Variants in ERBB4 observed in about 807,000 individuals in gnomAD.
The protein encoded by ERBB4 is receptor tyrosine-protein kinase erbB-4.
ERBB4 carries 42 observed loss-of-function variants against 158.0 expected under a neutral mutation model. The ratio of observed to expected loss-of-function variants is 0.27; its 90% CI spans 0.21 to 0.34. ERBB4 has a LOEUF of 0.34. Among genes scored for constraint, ERBB4 ranks in the 10% least tolerant of loss-of-function variants. ERBB4 has a pLI of 1.00. For missense variants in ERBB4, 1,333 were observed against 1,624.1 expected, an observed-to-expected ratio of 0.82 and a Z score of 3.08; for synonymous variants, 583 against 558.7, an observed-to-expected ratio of 1.04 and a Z score of -0.61.
At chr2:211,662,792 A>C (rs959625166) in intron 15 of ERBB4, among the ~76,000 whole-genome samples, 1 of 152,200 alleles carries the variant, frequency 6.6e-6, no homozygotes, top group Non-Finnish European at 1.5e-5. Flanking sequence ...AGGTAACTTT[A>C]TTTTCAGAAA....
intron 1 of ERBB4, among the ~76,000 whole-genome samples, chr2:212,218,822 T>C (rs772182576): frequency 6.6e-6 from 1 of 151,412 alleles, no homozygotes; most frequent in Non-Finnish European, 1.5e-5. Flanking sequence ...TGTTTCTTAA[T>C]TTACACATAA....
intron 17 of ERBB4, among the ~76,000 whole-genome samples, chr2:211,628,308 T>A (rs2069943429): frequency 6.6e-6 from 1 of 152,210 alleles, no homozygotes; most frequent in Admixed American, 6.5e-5. Flanking sequence ...CCTAATGCTA[T>A]CCCTCCCCAC....
intron 3 of ERBB4, among the ~76,000 whole-genome samples, chr2:211,858,792 AT>A (rs998772292): frequency 1.3e-5 from 2 of 151,680 alleles, no homozygotes; most frequent in African/African-American, 4.8e-5. Flanking sequence ...TTATTTATTC[AT>A]TTTTTTTGAG....
chr2:212,397,849 T>A (rs997258253), intron 1 of ERBB4, among the ~76,000 whole-genome samples: 2 of 152,250 alleles, frequency 1.3e-5, no homozygotes, highest in South Asian at 4.1e-4. Flanking sequence ...TATCAACTAA[T>A]GTTTCCAGAC....
chr2:212,065,559 C>T (rs2077918961), intron 2 of ERBB4, among the ~76,000 whole-genome samples: 1 of 152,026 alleles, frequency 6.6e-6, no homozygotes, highest in Non-Finnish European at 1.5e-5. Flanking sequence ...AAGCAGATCA[C>T]TGTCTTAGTT....
chr2:211,836,363 A>G (rs1055879160), intron 3 of ERBB4, among the ~76,000 whole-genome samples: 11 of 152,102 alleles, frequency 7.2e-5, no homozygotes, highest in African/African-American at 2.7e-4. Flanking sequence ...ATGCAAACTT[A>G]CTTATACCCA....
chr2:211,768,437 C>G (rs1231296610), intron 4 of ERBB4, among the ~76,000 whole-genome samples: 1 of 152,222 alleles, frequency 6.6e-6, no homozygotes, highest in Non-Finnish European at 1.5e-5. Context: ...GGGGCTACAA[C>G]CCCACTTTGC....
intron 1 of ERBB4, among the ~76,000 whole-genome samples, chr2:212,175,716 T>G (rs1464450053): frequency 1.3e-5 from 2 of 151,824 alleles, no homozygotes; most frequent in African/African-American, 4.8e-5. Flanking sequence ...GATCTGAAAT[T>G]AAATATTTTA....
At chr2:212,355,584 T>A (rs984804267) in intron 1 of ERBB4, among the ~76,000 whole-genome samples, 1 of 152,056 alleles carries the variant, frequency 6.6e-6, no homozygotes, top group East Asian at 1.9e-4. Context: ...GTAATAGTTA[T>A]GAGCCTATTT....
chr2:211,627,255 G>C (rs975852393), intron 17 of ERBB4, among the ~76,000 whole-genome samples: 1 of 152,204 alleles, frequency 6.6e-6, no homozygotes, highest in East Asian at 1.9e-4. Flanking sequence ...CAGCATCCTA[G>C]CTAAACTGCA....
At chr2:212,387,793 T>A (rs62184103) in intron 1 of ERBB4, among the ~76,000 whole-genome samples, 24,080 of 152,158 alleles carry the variant, frequency 0.16, 2,205 homozygotes, top group South Asian at 0.25. Flanking sequence ...TTAAGTGTTA[T>A]ATCCCTTTGT....
At chr2:211,902,875 T>C (rs1379122206) in intron 3 of ERBB4, among the ~76,000 whole-genome samples, 1 of 151,882 alleles carries the variant, frequency 6.6e-6, no homozygotes, top group Admixed American at 6.6e-5. Flanking sequence ...TAAAAACAAC[T>C]CAGAAAGTAC....
chr2:212,173,009 A>G (rs974028860), intron 1 of ERBB4, among the ~76,000 whole-genome samples: 5 of 152,150 alleles, frequency 3.3e-5, no homozygotes, highest in Non-Finnish European at 7.4e-5. Context: ...ATGAAAGTCA[A>G]TGTATATTAT....
intron 1 of ERBB4, among the ~76,000 whole-genome samples, chr2:212,360,753 C>G (rs1369341897): frequency 6.6e-6 from 1 of 151,692 alleles, no homozygotes; most frequent in East Asian, 1.9e-4. Flanking sequence ...AGATTACTAA[C>G]TCATGCTACT....
chr2:212,263,640 A>G (rs1225002079), intron 1 of ERBB4, among the ~76,000 whole-genome samples: 1 of 152,002 alleles, frequency 6.6e-6, no homozygotes, highest in Non-Finnish European at 1.5e-5. Context: ...TTTAATAAAA[A>G]CTGTATTAAT....
At chr2:212,371,710 A>T (rs1553627072) in intron 1 of ERBB4, among the ~76,000 whole-genome samples, 2 of 152,188 alleles carry the variant, frequency 1.3e-5, no homozygotes, top group Non-Finnish European at 2.9e-5. Context: ...TCTGTGAAGT[A>T]CATATTACAA....
At chr2:212,224,175 T>C (rs1405317886) in intron 1 of ERBB4, among the ~76,000 whole-genome samples, 1 of 151,926 alleles carries the variant, frequency 6.6e-6, no homozygotes, top group East Asian at 1.9e-4. Flanking sequence ...TTACACCAAA[T>C]AAAAAGCCAG....
chr2:211,410,075 T>G (rs2063226485), intron 25 of ERBB4, among the ~76,000 whole-genome samples: 1 of 152,120 alleles, frequency 6.6e-6, no homozygotes, highest in Admixed American at 6.6e-5. Context: ...AAACATATGT[T>G]CAGAGAAGGA....
intron 1 of ERBB4, among the ~76,000 whole-genome samples, chr2:212,210,457 A>T (rs561322466): frequency 1.3e-5 from 2 of 152,172 alleles, no homozygotes; most frequent in South Asian, 4.1e-4. Flanking sequence ...GGCTTCAAGA[A>T]ATCCTCTGTC....
Sources: gnomAD v4.1 joint callset for allele counts (sites outside exome capture counted in the v4.1 genomes callset) on GRCh38, gnomAD v4.1.1 for gene constraint, MANE v1.5 for transcripts, NCBI Gene and HGNC (gene_info 2026-07-23, HGNC 2026-07-21) for gene names.